Variants in IL1RAPL1 observed in about 807,000 individuals in gnomAD.
The protein encoded by IL1RAPL1 is interleukin-1 receptor accessory protein-like 1.
A neutral mutation model predicts 48.4 loss-of-function variants in IL1RAPL1; 3 were observed. The ratio of observed to expected loss-of-function variants is 0.06; its 90% CI spans 0.03 to 0.16. IL1RAPL1 has a LOEUF of 0.16. Among genes scored for constraint, IL1RAPL1 ranks in the 10% least tolerant of loss-of-function variants. The pLI is 1.00. For missense variants in IL1RAPL1, 349 were observed against 530.6 expected (o/e 0.66, Z 3.36); for synonymous variants, 185 against 187.7 (o/e 0.99, Z 0.12).
At chrX:28,634,173 C>A (rs1018154127) in intron 1 of IL1RAPL1, among the ~76,000 whole-genome samples, 1 of 109,741 alleles carries the variant, frequency 9.1e-6, no homozygotes, top group Non-Finnish European at 1.9e-5. Flanking sequence ...CAATGCCTGG[C>A]TAGTTTTTGT....
rs1225359901 is a variant in IL1RAPL1 at position 29,803,000 on chromosome X, T to C, written c.779-114464T>C. 1.1e-3 allele frequency among the ~76,000 whole-genome samples: 61 copies of C among 57,955 alleles called. 3 individuals are homozygous for C. The highest frequency in any genetic ancestry group is 4.1e-3 in the East Asian group (7 of 1,701). The allele number at this position is 57,955 out of a possible 115,157, so 50.3% of individuals were successfully genotyped here. On this transcript the variant is annotated intron_variant, in intron 6 of 10. Transcript: ENST00000378993. Reference sequence around the variant, plus strand: ...ACATACATGTGTACATATATATGTATGCATATATACATATGTGTACATATA... The same window carrying C: ...ACATACATGTGTACATATATATGTACGCATATATACATATGTGTACATATA...
chrX:29,659,316 G>A (rs755849283), intron 5 of IL1RAPL1, among the ~76,000 whole-genome samples: 6 of 111,913 alleles, frequency 5.4e-5, no homozygotes, highest in South Asian at 3.7e-4. Context: ...TTTTCTTTCC[G>A]TGCCTGGCTT....
intron 2 of IL1RAPL1, among the ~76,000 whole-genome samples, chrX:28,904,256 G>GT (rs1385640853): frequency 8.9e-6 from 1 of 111,733 alleles, no homozygotes; most frequent in Non-Finnish European, 1.9e-5. Context: ...AGGACACACT[G>GT]TAAGTGCAGG....
chrX:29,897,752 G>A lies in IL1RAPL1; in HGVS notation c.779-19712G>A, dbSNP rs745535479. On this transcript the variant is annotated intron_variant, in intron 6 of 10. Transcript: ENST00000378993. ...TAATGCTGTACTCCCAAAGATGATC[G>A]CTAATCTATAATCTAATCTATACAA... 4.5e-5 allele frequency among the ~76,000 whole-genome samples: 5 copies of A among 110,676 alleles called. No individual in the cohort carries two copies. The Admixed American group carries it at 4.8e-4, about 11-fold the overall frequency.
chrX:29,426,580 C>T (rs73213960), intron 5 of IL1RAPL1, among the ~76,000 whole-genome samples: 7,483 of 111,231 alleles, frequency 0.067, 246 homozygotes, highest in Middle Eastern at 0.099. Flanking sequence ...ATTTAACTAC[C>T]CGTTGACTTA....
At chrX:29,351,556 A>G (rs1375825345) in intron 3 of IL1RAPL1, among the ~76,000 whole-genome samples, 1 of 112,412 alleles carries the variant, frequency 8.9e-6, no homozygotes, top group African/African-American at 3.2e-5. Context: ...GTTCATTTTC[A>G]TGCCGAAAGG....
chrX:28,973,088 G>A lies in IL1RAPL1; in HGVS notation c.82+183663G>A, dbSNP rs180707763. On this transcript the variant is annotated intron_variant, in intron 2 of 10. Coordinates refer to ENST00000378993, the MANE Select transcript of IL1RAPL1 (RefSeq NM_014271.4). Reference sequence around the variant, plus strand: ...TCTGAAGTCTCTTTTAACCTATTGAGTTTTCCCCTTACCCATGCAATATTT... The same window carrying A: ...TCTGAAGTCTCTTTTAACCTATTGAATTTTCCCCTTACCCATGCAATATTT... Among the ~76,000 whole-genome samples the A allele has an allele frequency of 2.0e-3, 226 of 111,830 alleles. 1 individual carries two copies. The highest frequency in any genetic ancestry group is 7.0e-3 in the African/African-American group (215 of 30,828).
chrX:29,743,570 C>T (rs947596123), intron 6 of IL1RAPL1, among the ~76,000 whole-genome samples: 54 of 111,682 alleles, frequency 4.8e-4, no homozygotes, highest in African/African-American at 1.8e-3. Flanking sequence ...ACTGCAACCT[C>T]CAGTTCTCTA....
intron 8 of IL1RAPL1, among the ~76,000 whole-genome samples, chrX:29,937,949 T>G (rs1933058936): frequency 1.8e-5 from 2 of 111,956 alleles, no homozygotes; most frequent in Admixed American, 1.9e-4. Context: ...GCTCATTCTC[T>G]AAGCATATAT....
At chrX:29,211,199 A>C (rs1389416603) in intron 2 of IL1RAPL1, among the ~76,000 whole-genome samples, 1 of 111,219 alleles carries the variant, frequency 9.0e-6, no homozygotes, top group East Asian at 2.8e-4. Flanking sequence ...AATTTTAGTA[A>C]CCATTGTGGG....
intron 2 of IL1RAPL1, among the ~76,000 whole-genome samples, chrX:29,094,837 T>TAAA (rs143227525): frequency 1.4e-5 from 1 of 69,213 alleles, no homozygotes; most frequent in Non-Finnish European, 2.6e-5. Flanking sequence ...ACCTAAAAAC[T>TAAA]AAAAAAAAAA....
chrX:29,608,567 C>T (rs1364004824), intron 5 of IL1RAPL1, among the ~76,000 whole-genome samples: 1 of 111,376 alleles, frequency 9.0e-6, no homozygotes, highest in East Asian at 2.8e-4. Flanking sequence ...TGGCTTATGC[C>T]TGTAATCCCA....
At chrX:29,329,669 C>T (rs908531761) in intron 3 of IL1RAPL1, among the ~76,000 whole-genome samples, 6 of 109,638 alleles carry the variant, frequency 5.5e-5, no homozygotes, top group South Asian at 3.9e-4. Context: ...AAAAATTAGC[C>T]GGTCGTGGTG....
intron 1 of IL1RAPL1, among the ~76,000 whole-genome samples, chrX:28,687,537 C>T (rs1935125269): frequency 8.9e-6 from 1 of 111,792 alleles, no homozygotes; most frequent in Non-Finnish European, 1.9e-5. Flanking sequence ...GATCCCAGCA[C>T]TTTGGGAGGC....
chrX:29,943,071 A>G (rs1315972350), intron 9 of IL1RAPL1, among the ~76,000 whole-genome samples: 1 of 111,323 alleles, frequency 9.0e-6, no homozygotes, highest in Non-Finnish European at 1.9e-5. Flanking sequence ...GCAGGTTTGT[A>G]AAGAGAAGTG....
chrX:29,861,457 A>T (rs1189359441), intron 6 of IL1RAPL1, among the ~76,000 whole-genome samples: 1 of 111,697 alleles, frequency 9.0e-6, no homozygotes, highest in Non-Finnish European at 1.9e-5. Flanking sequence ...AAGCCAAGTA[A>T]TGCTTTAATG....
At chrX:29,633,690 G>T (rs1280498838) in intron 5 of IL1RAPL1, among the ~76,000 whole-genome samples, 1 of 111,628 alleles carries the variant, frequency 9.0e-6, no homozygotes, top group Non-Finnish European at 1.9e-5. Context: ...CTTGTGGAGA[G>T]AATCTGTTCT....
chrX:29,437,906 G>A (rs1934500292), intron 5 of IL1RAPL1, among the ~76,000 whole-genome samples: 1 of 110,683 alleles, frequency 9.0e-6, no homozygotes, highest in Non-Finnish European at 1.9e-5. Flanking sequence ...TTAATTGGAA[G>A]GCATTCCATC....
At chrX:29,256,928 A>C (rs1021427483) in intron 2 of IL1RAPL1, among the ~76,000 whole-genome samples, 1 of 111,465 alleles carries the variant, frequency 9.0e-6, no homozygotes, top group Admixed American at 9.6e-5. Context: ...TGAATCTGCT[A>C]TATGTTTATA....
Sources: gnomAD v4.1 joint callset for allele counts (sites outside exome capture counted in the v4.1 genomes callset) on GRCh38, gnomAD v4.1.1 for gene constraint, MANE v1.5 for transcripts, NCBI Gene and HGNC (gene_info 2026-07-23, HGNC 2026-07-21) for gene names.